The following GALNT9 variants were observed in gnomAD, a reference collection of about 807,000 sequenced individuals.
GALNT9 encodes the protein polypeptide N-acetylgalactosaminyltransferase 9.
A neutral mutation model predicts 63.1 loss-of-function variants in GALNT9; 47 were observed. The observed-to-expected ratio is 0.75, with a 90% confidence interval of 0.59 to 0.95. The LOEUF is 0.95. Among genes scored for constraint, GALNT9 ranks in the 40% least tolerant of loss-of-function variants. The pLI is 0.00. For synonymous variants in GALNT9, 396 were observed against 365.7 expected, an observed-to-expected ratio of 1.08 and a Z score of -0.94; for missense variants, 829 against 874.8, an observed-to-expected ratio of 0.95 and a Z score of 0.66.
chr12:132,216,584 C>T (rs1877207508), intron 6 of GALNT9, among the ~76,000 whole-genome samples: 1 of 152,238 alleles, frequency 6.6e-6, no homozygotes, highest in Non-Finnish European at 1.5e-5. Flanking sequence ...GAGTGTCCCC[C>T]ATGTCCAGCT....
chr12:132,213,608 C>T (rs1440311600), intron 6 of GALNT9, among the ~76,000 whole-genome samples: 1 of 152,202 alleles, frequency 6.6e-6, no homozygotes, highest in Non-Finnish European at 1.5e-5. Context: ...CACACTCACA[C>T]ACATGTGCAC....
At chr12:132,271,323 C>T (rs797025778) in intron 2 of GALNT9, among the ~76,000 whole-genome samples, 14 of 152,286 alleles carry the variant, frequency 9.2e-5, no homozygotes, top group African/African-American at 3.4e-4. Context: ...CGCTGCCACG[C>T]CCCGCCCGGC....
chr12:132,296,987 G>A lies in GALNT9; in HGVS notation c.239-10557C>T, dbSNP rs1881097327. 6.6e-6 allele frequency among the ~76,000 whole-genome samples: 1 copy of A among 150,662 alleles called. No homozygotes were observed. Among genetic ancestry groups the A allele is most frequent in the South Asian group, 2.1e-4 (1 of 4,750 alleles). ...TTCCCGAAATAAACAACACACTCCC[G>A]AGATGACCAAGTCACTCCCAACACA... is the stretch of plus-strand genomic sequence containing the variant. On this transcript the variant is annotated intron_variant, in intron 1 of 10. Transcript: ENST00000328957. The surrounding 1 kb of genome is among the most constrained non-coding windows in gnomAD (Gnocchi z 4.2).
At chr12:132,269,599 G>C (rs1555240552) in intron 2 of GALNT9, among the ~76,000 whole-genome samples, 1 of 152,218 alleles carries the variant, frequency 6.6e-6, no homozygotes, top group African/African-American at 2.4e-5. Context: ...CTGGGCCCAT[G>C]GTCAGACATG....
rs892525631 is a variant in GALNT9 at position 132,228,679 on chromosome 12, G to A, written c.1077+19231C>T. On this transcript the variant is annotated intron_variant, in intron 6 of 10. Coordinates refer to ENST00000328957, the MANE Select transcript of GALNT9 (RefSeq NM_001122636.2). ...CTCGAGGGTCCAGGAGGTGCCTTCC[G>A]TGTGCAAGAGGAGGTTTTCCTGTAA... 6.0e-4 allele frequency among the ~76,000 whole-genome samples: 92 copies of A among 152,188 alleles called. 3 individuals are homozygous for A. In the South Asian group the frequency reaches 0.012, roughly 19 times the overall value.
rs1214707601 is a variant in GALNT9, at chr12:132,203,727, C to T, written c.1078-37G>A. 6.3e-6 allele frequency: 10 copies of T among 1,597,556 alleles called. No individual in the cohort carries two copies. In the Admixed American group the frequency reaches 1.5e-4, roughly 24 times the overall value. Reference sequence around the variant, plus strand: ...CGGCGCTGGGTGCCGGCGTCCTTCCCAACGGAAGCGGGCAGCCCGGCCAGC... The same window carrying T: ...CGGCGCTGGGTGCCGGCGTCCTTCCTAACGGAAGCGGGCAGCCCGGCCAGC... On this transcript the variant is annotated intron_variant, in intron 6 of 10. Transcript: ENST00000328957.
At chr12:132,256,608 G>A (rs868974849) in intron 5 of GALNT9, among the ~76,000 whole-genome samples, 7 of 113,142 alleles carry the variant, frequency 6.2e-5, no homozygotes, top group African/African-American at 2.0e-4. Context: ...GACAGTGGAG[G>A]GGGAACACTG....
At position 132,279,055 on chromosome 12, in the gene GALNT9, G is replaced by A. The variant is rs1198632296; in HGVS notation, c.419+7195C>T. 1 of 152,330 alleles carries A rather than the reference G, an allele frequency of 6.6e-6. No homozygotes were observed. The highest frequency in any genetic ancestry group is 2.4e-5 in the African/African-American group (1 of 41,464). The allele number at this position is 152,330 out of a possible 1,614,324, so 9.4% of individuals were successfully genotyped here. On this transcript the variant is annotated intron_variant, in intron 2 of 10. Coordinates refer to ENST00000328957, the MANE Select transcript of GALNT9 (RefSeq NM_001122636.2). The surrounding 1 kb of genome is among the most constrained non-coding windows in gnomAD (Gnocchi z 4.1). ...ACCCCACGGCATGGTGACTGTCACTGCAGAGGGCTAGAGAGGGCCGCGTGT... is the reference window on the plus strand; with the variant it reads ...ACCCCACGGCATGGTGACTGTCACTACAGAGGGCTAGAGAGGGCCGCGTGT...
At chr12:132,222,998 A>G (rs1877524024) in intron 6 of GALNT9, among the ~76,000 whole-genome samples, 15 of 124,920 alleles carry the variant, frequency 1.2e-4, no homozygotes, top group East Asian at 7.2e-4. Flanking sequence ...CACCCCACAT[A>G]CACCCCACAC....
intron 6 of GALNT9, among the ~76,000 whole-genome samples, chr12:132,206,445 C>T (rs1025949220): frequency 5.5e-5 from 3 of 54,900 alleles, no homozygotes; most frequent in Admixed American, 1.6e-4. Flanking sequence ...GCCAGGAGTT[C>T]GAGACCGCCT....
At chr12:132,311,852 A>G (rs1449565035) in intron 1 of GALNT9, among the ~76,000 whole-genome samples, 14 of 152,226 alleles carry the variant, frequency 9.2e-5, no homozygotes, top group Admixed American at 4.6e-4. Context: ...TGTGGAAGCT[A>G]CAGCAGGCAG....
chr12:132,267,787 A>C (rs1281073384), intron 2 of GALNT9, among the ~76,000 whole-genome samples: 1 of 102,764 alleles, frequency 9.7e-6, no homozygotes, highest in Non-Finnish European at 2.1e-5. Context: ...ACACGCACAC[A>C]CACGCACTCA....
chr12:132,259,337 A>T (rs1452917603), intron 4 of GALNT9, among the ~76,000 whole-genome samples: 2 of 152,244 alleles, frequency 1.3e-5, no homozygotes, highest in African/African-American at 4.8e-5. Flanking sequence ...CAGAGGGACT[A>T]AAAGGCTGCC....
intron 1 of GALNT9, among the ~76,000 whole-genome samples, chr12:132,303,205 T>C (rs1312885067): frequency 3.3e-5 from 5 of 151,994 alleles, no homozygotes; most frequent in African/African-American, 4.8e-5. Flanking sequence ...ATGCAGTGAC[T>C]GCCCAAGGCT....
chr12:132,271,183 G>A (rs1446520926), intron 2 of GALNT9, among the ~76,000 whole-genome samples: 2 of 152,258 alleles, frequency 1.3e-5, no homozygotes, highest in Non-Finnish European at 2.9e-5. Flanking sequence ...TCTCAGCAGG[G>A]CGGTCACACG....
Position 132,286,308 on chromosome 12 carries a change from C to A in GALNT9, c.361G>T (p.Ala121Ser), listed in dbSNP as rs1327375730. The change falls in exon 2 of 11, where the codon GCT becomes TCT. Residue 121 changes from alanine to serine, a missense_variant. Coordinates refer to ENST00000328957, the MANE Select transcript of GALNT9 (RefSeq NM_001122636.2). The surrounding 1 kb of genome is among the most constrained non-coding windows in gnomAD (Gnocchi z 7.4). ...AGGGAGATGCGGTCGCTGAGCTGAG[C>A]GTTGTAGCCGTACTCCTCATACTTG... ...EGKYEEYGYN[A>S]QLSDRISLDR... 1 of 1,551,222 alleles carries A rather than the reference C, an allele frequency of 6.4e-7. No homozygotes were observed. The highest frequency in any genetic ancestry group is 2.0e-5 in the Admixed American group (1 of 51,004).
intron 5 of GALNT9, among the ~76,000 whole-genome samples, chr12:132,253,427 T>C (rs1264987990): frequency 6.6e-6 from 1 of 151,602 alleles, no homozygotes; most frequent in Non-Finnish European, 1.5e-5. Flanking sequence ...AAGCGGCCCT[T>C]ATGCGGGCAT....
At chr12:132,214,582 A>G (rs2135515994) in intron 6 of GALNT9, among the ~76,000 whole-genome samples, 1 of 152,326 alleles carries the variant, frequency 6.6e-6, no homozygotes, top group African/African-American at 2.4e-5. Context: ...CCCATGCCCC[A>G]GAGCTGCTGA....
chr12:132,264,569 G>A (rs928225968), intron 2 of GALNT9, among the ~76,000 whole-genome samples: 23 of 152,294 alleles, frequency 1.5e-4, no homozygotes, highest in African/African-American at 3.8e-4. Context: ...GGCCGTGTCC[G>A]CGTGGCCGGA....
Sources: gnomAD v4.1 joint callset for allele counts (sites outside exome capture counted in the v4.1 genomes callset) on GRCh38, gnomAD v4.1.1 for gene constraint, Gnocchi (gnomAD v3.1) non-coding constraint, MANE v1.5 for transcripts, NCBI Gene and HGNC (gene_info 2026-07-23, HGNC 2026-07-21) for gene names.